ARHGAP32: variants seen among roughly 807,000 people sequenced by gnomAD.
The protein encoded by ARHGAP32 is rho GTPase-activating protein 32.
A neutral mutation model predicts 186.5 loss-of-function variants in ARHGAP32; 51 were observed. The observed-to-expected ratio is 0.27, with a 90% CI of 0.22 to 0.35. The LOEUF is 0.35. Ranked by LOEUF, ARHGAP32 falls within the 10% of genes least tolerant of loss-of-function variation. The probability of loss-of-function intolerance (pLI) is 1.00; values close to 1 mark genes in which losing one functional copy is unlikely to be tolerated. For missense variants in ARHGAP32, 2,186 were observed against 2,623.5 expected (o/e 0.83, Z 3.64); for synonymous variants, 950 against 964.3 (o/e 0.99, Z 0.27).
chr11:129,014,583 T>G (rs1938240132), intron 11 of ARHGAP32, among the ~76,000 whole-genome samples: 1 of 152,190 alleles, frequency 6.6e-6, no homozygotes. Context: ...ATACATCAAA[T>G]TTTAGGAAAG....
intron 1 of ARHGAP32, among the ~76,000 whole-genome samples, chr11:129,241,139 T>G (rs1945011857): frequency 6.6e-6 from 1 of 152,242 alleles, no homozygotes; most frequent in Non-Finnish European, 1.5e-5. Flanking sequence ...TGAGCTCACA[T>G]GTACAAAATG....
intron 6 of ARHGAP32, among the ~76,000 whole-genome samples, chr11:129,092,139 A>T (rs527859103): frequency 6.6e-6 from 1 of 152,154 alleles, no homozygotes; most frequent in East Asian, 1.9e-4. Flanking sequence ...ACTGTACATG[A>T]ATATAAAAAT....
intron 6 of ARHGAP32, among the ~76,000 whole-genome samples, chr11:129,072,731 C>T (rs965219214): frequency 9.2e-5 from 14 of 152,136 alleles, no homozygotes; most frequent in African/African-American, 3.4e-4. Context: ...CAGAGAACCC[C>T]GTCACGGGAG....
chr11:129,154,259 G>A (rs1396739280), intron 2 of ARHGAP32, among the ~76,000 whole-genome samples: 1 of 152,098 alleles, frequency 6.6e-6, no homozygotes, highest in Admixed American at 6.5e-5. Context: ...TGGTGAAAAG[G>A]GAACACGTTT....
chr11:129,005,465 T>C (rs1371606894), intron 11 of ARHGAP32, among the ~76,000 whole-genome samples: 1 of 152,180 alleles, frequency 6.6e-6, no homozygotes, highest in Non-Finnish European at 1.5e-5. Flanking sequence ...TCAGCTTTCA[T>C]TTGTCTGGGA....
intron 1 of ARHGAP32, among the ~76,000 whole-genome samples, chr11:129,270,698 C>T (rs1365524045): frequency 6.6e-6 from 1 of 151,010 alleles, no homozygotes; most frequent in South Asian, 2.1e-4. Context: ...ACCTTTAGCT[C>T]GGTTTTGCTG....
chr11:129,024,171 CCT>C, intron 11 of ARHGAP32: 2 of 985,478 alleles, frequency 2.0e-6, no homozygotes, highest in Non-Finnish European at 2.4e-6. Context: ...GCTTAATCCT[CCT>C]CTCTCAGCAC....
At chr11:129,023,775 AAT>A in intron 11 of ARHGAP32, 1 of 525,276 alleles carries the variant, frequency 1.9e-6, no homozygotes, top group Non-Finnish European at 2.4e-6. Context: ...CATGTGCCCA[AAT>A]ATAATCTAAA....
chr11:129,212,216 A>G (rs952050196), intron 1 of ARHGAP32, among the ~76,000 whole-genome samples: 1 of 152,150 alleles, frequency 6.6e-6, no homozygotes, highest in African/African-American at 2.4e-5. Context: ...TTAATCATGT[A>G]TCTCAGAATG....
chr11:129,269,595 C>T (rs894094607), intron 1 of ARHGAP32, among the ~76,000 whole-genome samples: 1 of 152,088 alleles, frequency 6.6e-6, no homozygotes, highest in Non-Finnish European at 1.5e-5. Flanking sequence ...GGCACAGTGG[C>T]ACGCACCTAT....
intron 1 of ARHGAP32, among the ~76,000 whole-genome samples, chr11:129,206,847 T>C (rs1232400052): frequency 6.6e-6 from 1 of 152,064 alleles, no homozygotes; most frequent in Non-Finnish European, 1.5e-5. Context: ...GGTGGTTTGC[T>C]GCACCCACCA....
chr11:129,153,235 T>C (rs1172390567), intron 2 of ARHGAP32, among the ~76,000 whole-genome samples: 1 of 151,882 alleles, frequency 6.6e-6, no homozygotes, highest in African/African-American at 2.4e-5. Context: ...AAATCACTGA[T>C]GACACAAACA....
At chr11:129,119,841 G>T (rs944453793) in intron 5 of ARHGAP32, among the ~76,000 whole-genome samples, 2 of 152,016 alleles carry the variant, frequency 1.3e-5, no homozygotes, top group African/African-American at 4.8e-5. Context: ...CCTGAGAAGG[G>T]GGTGAGCATA....
At chr11:129,121,600 A>G (rs943687493) in intron 5 of ARHGAP32, among the ~76,000 whole-genome samples, 1 of 152,060 alleles carries the variant, frequency 6.6e-6, no homozygotes, top group Admixed American at 6.6e-5. Context: ...TGGTCAATCA[A>G]TACAATCCTG....
rs149800604 is a variant in ARHGAP32 at position 128,969,893 on chromosome 11, G to T, written c.5320C>A (p.Arg1774Ser). The T allele has an allele frequency of 3.1e-6, 5 of 1,614,192 alleles. No individual in the cohort carries two copies. The Admixed American group carries it at 6.7e-5, about 22-fold the overall frequency. The part of the protein sequence containing the change: ...YRMQSIRRES[R>S]ARQKVKGPVM... ...GGCCCTTTCACCTTCTGCCGAGCAC[G>T]GCTCTCTCTCCGGATGGACTGCATG... is the stretch of plus-strand genomic sequence containing the variant. Residue 1774 changes from arginine to serine, a missense_variant, in exon 23 of 23, where the codon CGT (arginine) becomes AGT (serine). Coordinates refer to ENST00000682385, the MANE Select transcript of ARHGAP32 (RefSeq NM_001378024.1). The surrounding 1 kb of genome is among the most constrained non-coding windows in gnomAD (Gnocchi z 4.8).
intron 7 of ARHGAP32, among the ~76,000 whole-genome samples, chr11:129,066,030 T>G (rs535335863): frequency 6.6e-6 from 1 of 152,298 alleles, no homozygotes; most frequent in African/African-American, 2.4e-5. Flanking sequence ...GATTTTAGTT[T>G]ATTTAAATCC....
chr11:129,142,191 AC>A (rs1943070286), intron 2 of ARHGAP32, among the ~76,000 whole-genome samples: 1 of 152,022 alleles, frequency 6.6e-6, no homozygotes, highest in South Asian at 2.1e-4. Context: ...AGGAAGAAAT[AC>A]CCCGGCTCTT....
rs1175999913 is a variant in ARHGAP32, at chr11:128,970,338, G to GGCTGGCTCA, written c.4866_4874dup (p.Glu1623_Ala1625dup). 2 of 1,614,214 alleles carry GGCTGGCTCA rather than the reference G, an allele frequency of 1.2e-6. No individual in the cohort carries two copies. Among genetic ancestry groups the GGCTGGCTCA allele is most frequent in the Non-Finnish European group, 1.7e-6 (2 of 1,180,032 alleles). On this transcript the variant is annotated inframe_insertion, in exon 23 of 23. Coordinates refer to ENST00000682385, the MANE Select transcript of ARHGAP32 (RefSeq NM_001378024.1). This position sits in a 1 kb window ranked among gnomAD's most constrained non-coding sequence, Gnocchi z 5.8. ...ATTGGTACAGAGGTCTTGGGCAGTAGGCTGGCTCATCATCTGGGGGAACTT... is the reference window on the plus strand; with the variant it reads ...ATTGGTACAGAGGTCTTGGGCAGTAGGCTGGCTCAGCTGGCTCATCATCTGGGGGAACTT...
intron 2 of ARHGAP32, among the ~76,000 whole-genome samples, chr11:129,145,047 C>T (rs117712026): frequency 6.6e-6 from 1 of 152,180 alleles, no homozygotes; most frequent in Non-Finnish European, 1.5e-5. Context: ...GAGATTCATC[C>T]TTTCCTTCAT....
Sources: gnomAD v4.1 joint callset for allele counts (sites outside exome capture counted in the v4.1 genomes callset) on GRCh38, gnomAD v4.1.1 for gene constraint, Gnocchi (gnomAD v3.1) non-coding constraint, MANE v1.5 for transcripts, NCBI Gene and HGNC (gene_info 2026-07-23, HGNC 2026-07-21) for gene names.